PLS3: variants seen among roughly 807,000 people sequenced by gnomAD.
The protein encoded by PLS3 is plastin-3.
PLS3 carries 11 observed loss-of-function variants against 46.5 expected under a neutral mutation model. The ratio of observed to expected loss-of-function variants is 0.24; its 90% CI spans 0.15 to 0.39. PLS3 has a LOEUF of 0.39. Ranked by LOEUF, PLS3 falls within the 10% of genes least tolerant of loss-of-function variation. PLS3 has a pLI of 1.00. For synonymous variants in PLS3, 167 were observed against 162.2 expected, an observed-to-expected ratio of 1.03 and a Z score of -0.22; for missense variants, 308 against 461.8, an observed-to-expected ratio of 0.67 and a Z score of 3.05.
At chrX:115,593,192 T>G (rs114403867) in intron 1 of PLS3, among the ~76,000 whole-genome samples, 3,055 of 110,967 alleles carry the variant, frequency 0.028, 116 homozygotes, top group African/African-American at 0.095. Context: ...ACGAGTGACT[T>G]GGGCACTGGG....
At chrX:115,590,909 C>G (rs1184149347) in intron 1 of PLS3, among the ~76,000 whole-genome samples, 1 of 111,031 alleles carries the variant, frequency 9.0e-6, no homozygotes, top group Admixed American at 9.6e-5. Flanking sequence ...GAGGCTGAGG[C>G]GGGCAGATCC....
At chrX:115,648,814 T>C (rs1219226256) in intron 15 of PLS3, among the ~76,000 whole-genome samples, 5 of 112,269 alleles carry the variant, frequency 4.5e-5, no homozygotes, top group Admixed American at 1.9e-4. Context: ...GATTTAATTA[T>C]CTTTAAAGAT....
intron 1 of PLS3, among the ~76,000 whole-genome samples, chrX:115,569,405 A>C (rs1556630451): frequency 8.9e-6 from 1 of 111,873 alleles, no homozygotes; most frequent in East Asian, 2.8e-4. Context: ...CTAAATGACT[A>C]TTTGCTGATA....
chrX:115,589,659 G>C (rs2074332236), intron 1 of PLS3, among the ~76,000 whole-genome samples: 1 of 112,368 alleles, frequency 8.9e-6, no homozygotes, highest in Non-Finnish European at 1.9e-5. Flanking sequence ...CACATGGAAA[G>C]TATACCTAGT....
At chrX:115,566,919 C>T (rs782089846) in intron 1 of PLS3, among the ~76,000 whole-genome samples, 73 of 111,323 alleles carry the variant, frequency 6.6e-4, no homozygotes, top group Non-Finnish European at 1.1e-3. Context: ...CCTTGTGATC[C>T]GCCCGCCTTG....
intron 1 of PLS3, among the ~76,000 whole-genome samples, chrX:115,569,356 C>A (rs1380139646): frequency 9.0e-6 from 1 of 111,707 alleles, no homozygotes; most frequent in Non-Finnish European, 1.9e-5. Flanking sequence ...TGCCTATGAA[C>A]ATTCAGTATC....
chrX:115,565,885 G>C (rs1410052687), intron 1 of PLS3, among the ~76,000 whole-genome samples: 1 of 112,077 alleles, frequency 8.9e-6, no homozygotes, highest in Non-Finnish European at 1.9e-5. Context: ...GTTTAGAAAC[G>C]TATTTGATAA....
chrX:115,603,040 C>T (rs1195405149), intron 1 of PLS3, among the ~76,000 whole-genome samples: 1 of 110,611 alleles, frequency 9.0e-6, no homozygotes, highest in Non-Finnish European at 1.9e-5. Context: ...AATAGGCACC[C>T]CCGTCCCCCT....
chrX:115,603,735 A>G, intron 1 of PLS3, among the ~76,000 whole-genome samples: 1 of 110,843 alleles, frequency 9.0e-6, no homozygotes, highest in South Asian at 3.9e-4. Context: ...AGATTGCACC[A>G]CTGCCTGGGT....
chrX:115,601,582 T>C (rs1045481744), intron 1 of PLS3, among the ~76,000 whole-genome samples: 2 of 109,773 alleles, frequency 1.8e-5, no homozygotes, highest in Non-Finnish European at 3.8e-5. Context: ...TGTATACATA[T>C]GTAACAACCC....
At position 115,579,801 on chromosome X, in the gene PLS3, C is replaced by T. The variant is rs992334333; in HGVS notation, c.-9+18541C>T. 3.6e-5 allele frequency among the ~76,000 whole-genome samples: 4 copies of T among 111,404 alleles called. No homozygotes were observed. In the East Asian group the frequency reaches 8.4e-4, roughly 24 times the overall value. Reference sequence around the variant, plus strand: ...GGGCTGGAGTGCAGTGGCGCAATCACGGCTCGCTGCAGCGTCAACATCCTG... The same window carrying T: ...GGGCTGGAGTGCAGTGGCGCAATCATGGCTCGCTGCAGCGTCAACATCCTG... On this transcript the variant is annotated intron_variant, in intron 1 of 15. Coordinates refer to ENST00000355899, the MANE Select transcript of PLS3 (RefSeq NM_005032.7).
At chrX:115,635,447 C>T (rs1432848414) in intron 7 of PLS3, among the ~76,000 whole-genome samples, 1 of 109,086 alleles carries the variant, frequency 9.2e-6, no homozygotes, top group Non-Finnish European at 1.9e-5. Context: ...AGCGCAGTGG[C>T]ACAATCAGCC....
intron 13 of PLS3, 115 bp from the exon 14 acceptor site, chrX:115,647,435 A>G (rs2074964500): frequency 1.2e-6 from 1 of 801,092 alleles, no homozygotes. Context: ...CTCCGTCTCA[A>G]AAAAAAGAAG....
chrX:115,649,593 C>T lies in PLS3; in HGVS notation c.*32C>T, dbSNP rs2074984752. On this transcript the variant is annotated 3_prime_UTR_variant, in exon 16 of 16. Transcript: ENST00000355899. The stretch of plus-strand genomic sequence containing the variant: ...CAATCTGAATAAAACAGCCATGCTC[C>T]CAGGTGCATGATTCGCAGGTCAGCT... 1.7e-6 allele frequency: 2 copies of T among 1,172,099 alleles called. No homozygotes were observed. The highest frequency in any genetic ancestry group is 2.4e-4 in the Middle Eastern group (1 of 4,184).
chrX:115,631,734 A>G (rs1200282626), intron 5 of PLS3, among the ~76,000 whole-genome samples: 2 of 110,769 alleles, frequency 1.8e-5, no homozygotes, highest in African/African-American at 3.3e-5. Context: ...TCTAAGAAAT[A>G]AGAATATATA....
intron 3 of PLS3, 45 bp downstream of exon 3, chrX:115,622,454 C>T: frequency 3.5e-6 from 3 of 864,383 alleles, no homozygotes; most frequent in Non-Finnish European, 5.0e-6. Flanking sequence ...GTAGATGTTC[C>T]CTCGTCTAGT....
chrX:115,615,033 A>AACAC (rs781919846), intron 2 of PLS3, among the ~76,000 whole-genome samples: 10 of 109,226 alleles, frequency 9.2e-5, no homozygotes, highest in African/African-American at 3.0e-4. Flanking sequence ...TGTTTAAAGC[A>AACAC]ACACACACAC....
At position 115,634,069 on chromosome X, in the gene PLS3, C is replaced by T; in HGVS notation, c.570C>T (p.Pro190=). The part of the protein sequence containing the change: ...ERAINKKKLT[P]FIIQENLNLA... ...CAATCAACAAGAAGAAACTTACACC[C>T]TTCATCATTCAGGTATGCATTGTTC... Residue 190 remains proline (P), a synonymous_variant, in exon 6 of 16, where the codon CCC becomes CCT. Transcript: ENST00000355899. 8.9e-7 allele frequency: 1 copy of T among 1,121,573 alleles called. No homozygotes were observed. The highest frequency in any genetic ancestry group is 1.2e-6 in the Non-Finnish European group (1 of 816,220). The allele number at this position is 1,121,573 out of a possible 1,213,427, so 92.4% of individuals were successfully genotyped here. A position where few individuals can be genotyped will look rare whatever the true frequency, so the allele number is the denominator to read the frequency against.
At chrX:115,586,729 C>T (rs190391145) in intron 1 of PLS3, among the ~76,000 whole-genome samples, 94 of 110,133 alleles carry the variant, frequency 8.5e-4, no homozygotes, top group African/African-American at 3.1e-3. Context: ...TATGTCATGA[C>T]TGTCATGATA....
Sources: allele counts gnomAD v4.1 joint callset (sites outside exome capture counted in the v4.1 genomes callset), GRCh38; gene constraint gnomAD v4.1.1; transcripts MANE v1.5; gene names NCBI Gene and HGNC (gene_info 2026-07-23, HGNC 2026-07-21).